The following LGR5 variants were observed in gnomAD, a reference collection of about 807,000 sequenced individuals.
The protein encoded by LGR5 is leucine rich repeat containing G protein-coupled receptor 5.
A neutral mutation model predicts 76.7 loss-of-function variants in LGR5; 54 were observed. The ratio of observed to expected loss-of-function variants is 0.70; its 90% CI spans 0.57 to 0.88. The LOEUF (loss-of-function observed/expected upper bound fraction) is 0.88. LGR5 is among the 40% of genes least tolerant of loss of function. The pLI is 0.00. For missense variants in LGR5, 1,078 were observed against 1,073.3 expected (o/e 1.00, Z -0.06); for synonymous variants, 406 against 421.9 (o/e 0.96, Z 0.46).
intron 3 of LGR5, among the ~76,000 whole-genome samples, chr12:71,531,526 C>T (rs1289294440): frequency 4.6e-5 from 7 of 152,022 alleles, no homozygotes; most frequent in South Asian, 2.1e-4. Context: ...TACTGGTAGA[C>T]GTAGTTGAAA....
intron 1 of LGR5, among the ~76,000 whole-genome samples, chr12:71,493,564 A>G (rs1874174013): frequency 1.3e-5 from 2 of 151,138 alleles, no homozygotes; most frequent in Admixed American, 6.5e-5. Flanking sequence ...TTTATGCTCC[A>G]GATAAAAATG....
chr12:71,503,587 G>C (rs1874709737), intron 1 of LGR5, among the ~76,000 whole-genome samples: 1 of 152,168 alleles, frequency 6.6e-6, no homozygotes, highest in Non-Finnish European at 1.5e-5. Context: ...GAAATCAGCT[G>C]GTTAGGTGCA....
chr12:71,525,186 CCTGATT>C (rs1875931196), intron 3 of LGR5, among the ~76,000 whole-genome samples: 1 of 151,922 alleles, frequency 6.6e-6, no homozygotes, highest in African/African-American at 2.4e-5. Context: ...GAAAAAAAAT[CCTGATT>C]TTCTTTCTTT....
intron 1 of LGR5, among the ~76,000 whole-genome samples, chr12:71,454,340 G>A (rs760889198): frequency 5.9e-5 from 9 of 152,252 alleles, no homozygotes; most frequent in Admixed American, 3.3e-4. Flanking sequence ...GGAAGAAACC[G>A]TCAGACATCT....
chr12:71,494,809 A>G (rs1874238491), intron 1 of LGR5, among the ~76,000 whole-genome samples: 1 of 151,164 alleles, frequency 6.6e-6, no homozygotes, highest in Non-Finnish European at 1.5e-5. Context: ...TGGATTCCAG[A>G]TCTATTCTGG....
intron 13 of LGR5, among the ~76,000 whole-genome samples, chr12:71,575,427 T>C (rs1016457588): frequency 6.6e-6 from 1 of 152,020 alleles, no homozygotes; most frequent in Non-Finnish European, 1.5e-5. Flanking sequence ...TAAATCATAA[T>C]GTTGGGTGTG....
In LGR5 at chr12:71,533,818, A is replaced by G. The variant is rs568457169; in HGVS notation, c.357-1297A>G. On this transcript the variant is annotated intron_variant, in intron 3 of 17. Transcript: ENST00000266674. ...CATAGAGAGATTTGGTGATTTTCCA[A>G]TCTCTAGTGGCAGAGAAGAGGTGGT... is the stretch of plus-strand genomic sequence containing the variant. Among the ~76,000 whole-genome samples, 6 of 152,320 alleles carry G rather than the reference A, an allele frequency of 3.9e-5. No individual in the cohort carries two copies. The South Asian group carries it at 1.2e-3, about 32-fold the overall frequency.
chr12:71,559,953 T>G (rs1877975096), intron 7 of LGR5, among the ~76,000 whole-genome samples: 1 of 152,228 alleles, frequency 6.6e-6, no homozygotes, highest in Admixed American at 6.5e-5. Context: ...ATGTACTTTA[T>G]AGATTTGTAG....
At chr12:71,493,419 T>C (rs1874168271) in intron 1 of LGR5, among the ~76,000 whole-genome samples, 1 of 151,396 alleles carries the variant, frequency 6.6e-6, no homozygotes, top group Non-Finnish European at 1.5e-5. Context: ...GTGTATTTTC[T>C]TTGCAATTTG....
chr12:71,582,469 T>G lies in LGR5; in HGVS notation c.1566T>G (p.Leu522=). ...GMFQAQDERD[L]EDFLLDFEED... ...CTTGTGCTGCAGATGAACGTGACCTTGAAGATTTCCTGCTTGACTTTGAGG... is the reference window on the plus strand; with the variant it reads ...CTTGTGCTGCAGATGAACGTGACCTGGAAGATTTCCTGCTTGACTTTGAGG... Residue 522 remains leucine, a synonymous_variant, in exon 17 of 18, where the codon CTT becomes CTG. Transcript: ENST00000266674. 3 of 1,614,056 alleles carry G rather than the reference T, an allele frequency of 1.9e-6. No homozygotes were observed. The highest frequency in any genetic ancestry group is 2.5e-6 in the Non-Finnish European group (3 of 1,179,902).
At chr12:71,479,105 C>T (rs933591008) in intron 1 of LGR5, among the ~76,000 whole-genome samples, 4 of 152,088 alleles carry the variant, frequency 2.6e-5, no homozygotes, top group African/African-American at 7.2e-5. Flanking sequence ...TTACATTCAA[C>T]GGGAAATTAA....
chr12:71,455,058 A>G (rs531597326), intron 1 of LGR5, among the ~76,000 whole-genome samples: 13 of 152,244 alleles, frequency 8.5e-5, no homozygotes, highest in Admixed American at 5.2e-4. Flanking sequence ...TTGCCAACAC[A>G]TTAGTTCCAA....
At chr12:71,557,174 A>G (rs1390082266) in intron 6 of LGR5, among the ~76,000 whole-genome samples, 2 of 152,174 alleles carry the variant, frequency 1.3e-5, no homozygotes, top group Non-Finnish European at 2.9e-5. Context: ...TAATCCTAAC[A>G]CTTGGGAAGC....
intron 1 of LGR5, among the ~76,000 whole-genome samples, chr12:71,453,104 G>A (rs1316150090): frequency 3.3e-5 from 5 of 152,238 alleles, no homozygotes; most frequent in South Asian, 2.1e-4. Context: ...AGAAAAGAAC[G>A]AAAAGAACAG....
At chr12:71,473,486 T>C (rs757397549) in intron 1 of LGR5, among the ~76,000 whole-genome samples, 1 of 151,702 alleles carries the variant, frequency 6.6e-6, no homozygotes, top group Non-Finnish European at 1.5e-5. Context: ...TTAAAAAAAA[T>C]TTTAAGTCGG....
At chr12:71,506,933 A>AT (rs553456247) in intron 2 of LGR5, among the ~76,000 whole-genome samples, 1 of 151,906 alleles carries the variant, frequency 6.6e-6, no homozygotes, top group Non-Finnish European at 1.5e-5. Context: ...TTAACAGAAC[A>AT]TTTTTTTTAT....
intron 1 of LGR5, among the ~76,000 whole-genome samples, chr12:71,499,722 G>T (rs1208688219): frequency 1.3e-5 from 2 of 152,118 alleles, no homozygotes; most frequent in Non-Finnish European, 2.9e-5. Context: ...TTGCTCTGTA[G>T]CTGTTACCCC....
At chr12:71,582,572 G>A (rs776262350) in intron 17 of LGR5, 33 bp downstream of exon 17, 21 of 1,458,714 alleles carry the variant, frequency 1.4e-5, no homozygotes, top group South Asian at 3.4e-5. Flanking sequence ...CTCAACGGCA[G>A]TATCCACCAC....
Position 71,583,772 on chromosome 12 carries a change from T to C in LGR5, c.1762T>C (p.Tyr588His). The change falls in exon 18 of 18, where the codon TAC becomes CAC. Residue 588 changes from tyrosine to histidine, a missense_variant. By Grantham distance (83) the Tyr-to-His change is moderately conservative. Transcript: ENST00000266674. Reference sequence around the variant, plus strand: ...TTCAACAGTTTTCAGATCCCCTCTGTACATTTCCCCCATTAAACTGTTAAT... The same window carrying C: ...TTCAACAGTTTTCAGATCCCCTCTGCACATTTCCCCCATTAAACTGTTAAT... ...VTSTVFRSPL[Y>H]ISPIKLLIGV... 6.2e-7 allele frequency: 1 copy of C among 1,614,160 alleles called. No individual in the cohort carries two copies. The highest frequency in any genetic ancestry group is 8.5e-7 in the Non-Finnish European group (1 of 1,180,028).
Sources: allele counts gnomAD v4.1 joint callset (sites outside exome capture counted in the v4.1 genomes callset), GRCh38; gene constraint gnomAD v4.1.1; transcripts MANE v1.5; gene names NCBI Gene and HGNC (gene_info 2026-07-23, HGNC 2026-07-21).